Variants in GLI3 observed in about 807,000 individuals in gnomAD.
GLI3 encodes transcription activator GLI3.
In GLI3, 20 loss-of-function variants were observed where a neutral mutation model predicts 100.8. That is an observed-to-expected ratio of 0.20 (90% CI 0.14 to 0.29). The LOEUF (loss-of-function observed/expected upper bound fraction) is 0.29, where lower values mean the gene tolerates loss of function less well. Among genes scored for constraint, GLI3 ranks in the 10% least tolerant of loss-of-function variants. GLI3 has a pLI of 1.00. For missense variants in GLI3, 2,040 were observed against 2,128.5 expected (o/e 0.96, Z 0.82); for synonymous variants, 938 against 860.5 (o/e 1.09, Z -1.58).
intron 4 of GLI3, among the ~76,000 whole-genome samples, chr7:42,074,450 C>T (rs1420952917): frequency 2.0e-5 from 3 of 152,170 alleles, no homozygotes. Flanking sequence ...GAGCAGTGAC[C>T]GTTAACAATA....
intron 7 of GLI3, among the ~76,000 whole-genome samples, chr7:42,033,691 T>G (rs1268279552): frequency 2.0e-5 from 3 of 152,204 alleles, no homozygotes; most frequent in African/African-American, 7.2e-5. Context: ...TGGAATTCAC[T>G]GCACAACAGC....
At chr7:42,205,965 C>T (rs1464168126) in intron 2 of GLI3, among the ~76,000 whole-genome samples, 1 of 152,118 alleles carries the variant, frequency 6.6e-6, no homozygotes, top group Admixed American at 6.5e-5. Context: ...CTTAATATAA[C>T]ACCAGACTAA....
intron 10 of GLI3, among the ~76,000 whole-genome samples, chr7:42,018,007 G>A (rs1788817907): frequency 6.6e-6 from 1 of 152,158 alleles, no homozygotes; most frequent in Non-Finnish European, 1.5e-5. Flanking sequence ...TGGTTCTAAG[G>A]AGGTCATCCC....
intron 6 of GLI3, among the ~76,000 whole-genome samples, chr7:42,041,590 A>C (rs10253245): frequency 0.078 from 11,869 of 152,258 alleles, 570 homozygotes; most frequent in Non-Finnish European, 0.1. Context: ...TTTATAGGAA[A>C]ATGGCAATTT....
intron 3 of GLI3, among the ~76,000 whole-genome samples, chr7:42,094,949 AGCAGTGG>A (rs1785306152): frequency 6.6e-6 from 1 of 152,154 alleles, no homozygotes; most frequent in Non-Finnish European, 1.5e-5. Flanking sequence ...CACATGAGGG[AGCAGTGG>A]GCAGAGGACT....
Position 42,040,125 on chromosome 7 carries a change from G to A in GLI3, c.941C>T (p.Pro314Leu), listed in dbSNP as rs867609345. 2 of 1,613,920 alleles carry A rather than the reference G, an allele frequency of 1.2e-6. No homozygotes were observed. The highest frequency in any genetic ancestry group is 1.7e-6 in the Non-Finnish European group (2 of 1,179,802). The change falls in exon 7 of 15, where the codon CCC becomes CTC. Residue 314 changes from proline to leucine, a missense_variant. Transcript: ENST00000395925. ...ATTGAGAATCGTGACCAAGGAGTTG[G>A]GAGACGTCCTTATCATGGTCTGAAG... ...FDLQTMIRTS[P>L]NSLVTILNNS...
rs749654343 is a variant in GLI3, at chr7:42,023,542, C to G, written c.1423G>C (p.Glu475Gln). ...GDKDESKQEP[E>Q]VIYETNCHWE... ...TGGCAGTTTGTCTCATAGATGACTT[C>G]AGGCTCCTGTTTGCTTTCATCTTTG... The change falls in exon 10 of 15, where the codon GAA becomes CAA. Residue 475 changes from glutamate (E) to glutamine (Q), a missense_variant. Physicochemically the swap from Glu to Gln is conservative, Grantham distance 29. Coordinates refer to ENST00000395925, the MANE Select transcript of GLI3 (RefSeq NM_000168.6). 1.2e-5 allele frequency: 20 copies of G among 1,613,822 alleles called. No homozygotes were observed. Among genetic ancestry groups the G allele is most frequent in the Non-Finnish European group, 1.7e-5 (20 of 1,179,890 alleles).
intron 1 of GLI3, among the ~76,000 whole-genome samples, chr7:42,251,878 G>A (rs1274352808): frequency 3.3e-5 from 5 of 151,852 alleles, no homozygotes; most frequent in Non-Finnish European, 5.9e-5. Flanking sequence ...CAGAAGTAAT[G>A]GCAAGTTATC....
chr7:42,068,069 T>C (rs771439801), intron 4 of GLI3, among the ~76,000 whole-genome samples: 29 of 152,364 alleles, frequency 1.9e-4, no homozygotes, highest in Non-Finnish European at 4.0e-4. Context: ...TGCACTCACA[T>C]GCTCTAAGGC....
intron 2 of GLI3, among the ~76,000 whole-genome samples, chr7:42,199,911 C>G (rs892884148): frequency 7.2e-5 from 11 of 152,102 alleles, no homozygotes; most frequent in African/African-American, 2.7e-4. Flanking sequence ...CAAAAATTAG[C>G]CAGGCATGGT....
intron 2 of GLI3, among the ~76,000 whole-genome samples, chr7:42,173,228 G>A (rs1309244254): frequency 4.6e-5 from 7 of 152,062 alleles, no homozygotes; most frequent in South Asian, 2.1e-4. Flanking sequence ...CAGACACGGC[G>A]GGCAAAAAAT....
At chr7:42,202,346 T>TCTCACACA (rs1184635369) in intron 2 of GLI3, among the ~76,000 whole-genome samples, 41 of 115,318 alleles carry the variant, frequency 3.6e-4, no homozygotes, top group African/African-American at 1.3e-3. Flanking sequence ...TCTCTCTCTC[T>TCTCACACA]CACACACACA....
chr7:42,095,658 C>T (rs561531239), intron 3 of GLI3, among the ~76,000 whole-genome samples: 2 of 152,034 alleles, frequency 1.3e-5, no homozygotes, highest in Admixed American at 1.3e-4. Context: ...GGTCCTGGGA[C>T]CAAGGCAGCA....
At chr7:42,037,981 G>T (rs1784052857) in intron 7 of GLI3, among the ~76,000 whole-genome samples, 1 of 152,272 alleles carries the variant, frequency 6.6e-6, no homozygotes, top group African/African-American at 2.4e-5. Flanking sequence ...AAAGTCAAGA[G>T]ACCTGGGCAG....
chr7:41,967,934 C>A lies in GLI3; in HGVS notation c.2104-11G>T. The A allele has an allele frequency of 6.2e-7, 1 of 1,611,814 alleles. No individual in the cohort carries two copies. The highest frequency in any genetic ancestry group is 1.1e-5 in the South Asian group (1 of 91,006). On this transcript the variant is annotated splice_polypyrimidine_tract_variant and intron_variant, in intron 13 of 14. Coordinates refer to ENST00000395925, the MANE Select transcript of GLI3 (RefSeq NM_000168.6). ...GCTTGGCTGAGATGTCTGTTGGGGT[C>A]AAGTGGAAAGGAAAGAAATGTCACC... is the stretch of plus-strand genomic sequence containing the variant.
intron 2 of GLI3, chr7:42,151,622 G>A (rs187821772): frequency 6.6e-6 from 1 of 152,336 alleles, no homozygotes; most frequent in East Asian, 1.9e-4. Context: ...CAAGGCAACT[G>A]TTCCCGCTTC....
At chr7:42,147,834 T>C (rs977336626) in intron 3 of GLI3, among the ~76,000 whole-genome samples, 24 of 152,332 alleles carry the variant, frequency 1.6e-4, no homozygotes, top group Non-Finnish European at 3.5e-4. Context: ...GAATTGCGGC[T>C]GTTGAGCACT....
intron 6 of GLI3, among the ~76,000 whole-genome samples, chr7:42,041,011 C>A (rs1054635869): frequency 6.6e-6 from 1 of 152,152 alleles, no homozygotes; most frequent in African/African-American, 2.4e-5. Context: ...AGGACCTCTG[C>A]CTTACATTCC....
intron 3 of GLI3, among the ~76,000 whole-genome samples, chr7:42,116,885 T>G (rs1335250640): frequency 6.6e-6 from 1 of 152,190 alleles, no homozygotes; most frequent in Non-Finnish European, 1.5e-5. Context: ...TTCAAGTTCC[T>G]TCCCTCTCAG....
Sources: gnomAD v4.1 joint callset for allele counts (sites outside exome capture counted in the v4.1 genomes callset) on GRCh38, gnomAD v4.1.1 for gene constraint, MANE v1.5 for transcripts, NCBI Gene and HGNC (gene_info 2026-07-23, HGNC 2026-07-21) for gene names.